Variants in DYNLT2B observed in about 807,000 individuals in gnomAD.
The protein encoded by DYNLT2B is dynein light chain Tctex-type protein 2B.
Under a neutral mutation model 19.5 loss-of-function variants are expected in DYNLT2B, and 14 were observed. That is an observed-to-expected ratio of 0.72 (90% CI 0.47 to 1.12). The LOEUF (loss-of-function observed/expected upper bound fraction) is 1.12, where lower values mean the gene tolerates loss of function less well. Among genes scored for constraint, DYNLT2B ranks in the 50% most tolerant of loss-of-function variants. DYNLT2B has a pLI of 0.00. For missense variants in DYNLT2B, 133 were observed against 174.7 expected, an observed-to-expected ratio of 0.76 and a Z score of 1.35; for synonymous variants, 70 against 59.7, an observed-to-expected ratio of 1.17 and a Z score of -0.79.
chr3:196,303,738 GATAGAA>G (rs1368245133), intron 3 of DYNLT2B, among the ~76,000 whole-genome samples: 11 of 152,162 alleles, frequency 7.2e-5, no homozygotes, highest in Admixed American at 7.2e-4. Context: ...TGGTATCCTA[GATAGAA>G]TCCTAAAGCA....
At chr3:196,316,364 A>G (rs745483167) in intron 1 of DYNLT2B, 133 bp from the exon 2 acceptor site, 82 of 986,228 alleles carry the variant, frequency 8.3e-5, no homozygotes, top group Non-Finnish European at 1.1e-4. Flanking sequence ...ATTATAAAAT[A>G]TAAACAAATT....
intron 3 of DYNLT2B, among the ~76,000 whole-genome samples, chr3:196,299,281 C>A (rs1231566870): frequency 6.6e-6 from 1 of 151,888 alleles, no homozygotes; most frequent in Non-Finnish European, 1.5e-5. Flanking sequence ...GACGGGGTTT[C>A]ACCATGTTGG....
In DYNLT2B at chr3:196,316,112, T is replaced by C; in HGVS notation, c.233A>G (p.Lys78Arg). The change falls in exon 2 of 5, where the codon AAA becomes AGA. Residue 78 changes from lysine (K) to arginine (R), a missense_variant. Lys to Arg is a conservative substitution (Grantham distance 26). Coordinates refer to ENST00000325318, the MANE Select transcript of DYNLT2B (RefSeq NM_152773.5). Reference sequence around the variant, plus strand: ...ACCATGATTACCTTTTAATTTATCTTTAATGTTTTCTGATAAATGTTTTGT... The same window carrying C: ...ACCATGATTACCTTTTAATTTATCTCTAATGTTTTCTGATAAATGTTTTGT... ...QLTKHLSENI[K>R]DKLKEMGFDR... 3 of 1,613,516 alleles carry C rather than the reference T, an allele frequency of 1.9e-6. No homozygotes were observed. The highest frequency in any genetic ancestry group is 2.5e-6 in the Non-Finnish European group (3 of 1,179,648).
At chr3:196,310,199 T>G (rs1726599230) in intron 2 of DYNLT2B, among the ~76,000 whole-genome samples, 1 of 151,734 alleles carries the variant, frequency 6.6e-6, no homozygotes, top group Non-Finnish European at 1.5e-5. Context: ...CCTCCCAGAT[T>G]CAAGCAATTC....
chr3:196,317,655 A>G (rs1726912974), intron 1 of DYNLT2B, among the ~76,000 whole-genome samples: 1 of 152,144 alleles, frequency 6.6e-6, no homozygotes, highest in Non-Finnish European at 1.5e-5. Flanking sequence ...GAGTGAGCCC[A>G]TCCTGGCACC....
chr3:196,296,169 A>T, intron 3 of DYNLT2B, 100 bp from the exon 4 acceptor site: 1 of 1,015,748 alleles, frequency 9.8e-7, no homozygotes, highest in South Asian at 1.3e-5. Flanking sequence ...ATTCTCATAG[A>T]TCTGTACTTC....
intron 3 of DYNLT2B, among the ~76,000 whole-genome samples, chr3:196,305,498 A>AAAAT (rs1485618364): frequency 1.3e-5 from 2 of 152,300 alleles, no homozygotes; most frequent in Non-Finnish European, 2.9e-5. Context: ...ATGGCAGGAA[A>AAAAT]AAATAAATAA....
chr3:196,311,806 C>G (rs1178186979), intron 2 of DYNLT2B, among the ~76,000 whole-genome samples: 2 of 152,052 alleles, frequency 1.3e-5, no homozygotes, highest in Non-Finnish European at 2.9e-5. Context: ...CCTGTCTCAG[C>G]CTCCCAAGAA....
In DYNLT2B at chr3:196,317,281, TTG is replaced by T. The variant is rs200214901; in HGVS notation, c.113+757_113+758del. On this transcript the variant is annotated intron_variant, in intron 1 of 4. Coordinates refer to ENST00000325318, the MANE Select transcript of DYNLT2B (RefSeq NM_152773.5). ...CATTTTTTTTCAGTGTGTGTGTGTG[TTG>T]TGTGTGTGTGTGTGTGTAAAGTTAG... Among the ~76,000 whole-genome samples, 21 of 52,628 alleles carry T rather than the reference TTG, an allele frequency of 4.0e-4. 1 individual carries two copies. The highest frequency in any genetic ancestry group is 5.4e-4 in the Admixed American group (2 of 3,704). 34.5% of individuals were successfully genotyped at this position (52,628 alleles called of 152,430 possible).
intron 3 of DYNLT2B, among the ~76,000 whole-genome samples, chr3:196,296,964 C>A (rs1006208685): frequency 1.4e-5 from 2 of 146,352 alleles, no homozygotes; most frequent in Non-Finnish European, 3.0e-5. Flanking sequence ...GAGGCCAAGG[C>A]GGGCAGATCA....
At position 196,318,074 on chromosome 3, in the gene DYNLT2B, T is replaced by C; in HGVS notation, c.79A>G (p.Asn27Asp). 11 of 1,563,624 alleles carry C rather than the reference T, an allele frequency of 7.0e-6. No homozygotes were observed. The highest frequency in any genetic ancestry group is 9.5e-6 in the Non-Finnish European group (11 of 1,159,442). The change falls in exon 1 of 5, where the codon AAC (asparagine) becomes GAC (aspartate). Residue 27 changes from asparagine to aspartate, a missense_variant. Coordinates refer to ENST00000325318, the MANE Select transcript of DYNLT2B (RefSeq NM_152773.5). ...AAAACAGGCCGCAGAATATAGGTGTTCTCGGGCTCCCCTGCGTTCTTCTCA... is the reference window on the plus strand; with the variant it reads ...AAAACAGGCCGCAGAATATAGGTGTCCTCGGGCTCCCCTGCGTTCTTCTCA... Reference protein sequence around the residue: ...EAEKNAGEPENTYILRPVFQQ... With the variant: ...EAEKNAGEPEDTYILRPVFQQ...
At chr3:196,307,364 C>T (rs1357230980) in intron 2 of DYNLT2B, among the ~76,000 whole-genome samples, 1 of 151,998 alleles carries the variant, frequency 6.6e-6, no homozygotes, top group Admixed American at 6.6e-5. Context: ...TACAGTGGCA[C>T]GATCTCAGCT....
chr3:196,318,219 GCAGGGAAAGCGTCTCCAGGGCAA>G, exon 1 of DYNLT2B: 1 of 927,948 alleles, frequency 1.1e-6, no homozygotes, highest in Non-Finnish European at 1.5e-6. Context: ...GCGGCCGGCA[GCAGGGAAAGCGTCTCCAGGGCAA>G]CAGGGCCGCC....
intron 2 of DYNLT2B, among the ~76,000 whole-genome samples, chr3:196,308,857 A>C (rs1459262119): frequency 6.6e-6 from 1 of 152,188 alleles, no homozygotes; most frequent in Non-Finnish European, 1.5e-5. Flanking sequence ...CTCAGCCCTT[A>C]AATCACGGTT....
At chr3:196,317,267 A>AGTGTGT (rs112515550) in intron 1 of DYNLT2B, among the ~76,000 whole-genome samples, 2 of 27,174 alleles carry the variant, frequency 7.4e-5, no homozygotes, top group Admixed American at 5.7e-4. Context: ...ATTTTTTTTC[A>AGTGTGT]GTGTGTGTGT....
intron 3 of DYNLT2B, among the ~76,000 whole-genome samples, chr3:196,299,745 CGTG>C (rs1726305061): frequency 6.6e-6 from 1 of 151,780 alleles, no homozygotes. Flanking sequence ...TCCTGGCTAA[CGTG>C]GTGAAACCCC....
At chr3:196,305,149 G>A (rs2108794066) in intron 3 of DYNLT2B, among the ~76,000 whole-genome samples, 1 of 152,260 alleles carries the variant, frequency 6.6e-6, no homozygotes, top group East Asian at 1.9e-4. Context: ...TTCCCAAAGT[G>A]CTGGGATTAC....
rs1489801343 is a variant in DYNLT2B, at chr3:196,307,006, C to T, written c.254G>A (p.Gly85Glu). Residue 85 changes from glycine to glutamate, a missense_variant, in exon 3 of 5, where the codon GGA becomes GAA. Coordinates refer to ENST00000325318, the MANE Select transcript of DYNLT2B (RefSeq NM_152773.5). Reference sequence around the variant, plus strand: ...CACCACCATTTTGTATCGGTCAAATCCCATTTCTAGAAAGAAAAAATAAGG... The same window carrying T: ...CACCACCATTTTGTATCGGTCAAATTCCATTTCTAGAAAGAAAAAATAAGG... Reference protein sequence around the residue: ...ENIKDKLKEMGFDRYKMVVQV... With the variant: ...ENIKDKLKEMEFDRYKMVVQV... 6.2e-7 allele frequency: 1 copy of T among 1,613,714 alleles called. No homozygotes were observed. The highest frequency in any genetic ancestry group is 1.7e-5 in the Admixed American group (1 of 59,982).
chr3:196,300,527 T>C (rs1017371915), intron 3 of DYNLT2B, among the ~76,000 whole-genome samples: 2 of 151,934 alleles, frequency 1.3e-5, no homozygotes, highest in East Asian at 1.9e-4. Flanking sequence ...GTCAGGAGTT[T>C]GAGACCAGCC....
Sources: gnomAD v4.1 joint callset for allele counts (sites outside exome capture counted in the v4.1 genomes callset) on GRCh38, gnomAD v4.1.1 for gene constraint, MANE v1.5 for transcripts, NCBI Gene and HGNC (gene_info 2026-07-23, HGNC 2026-07-21) for gene names.